FAM185A: variants seen among roughly 807,000 people sequenced by gnomAD.
FAM185A encodes the protein protein FAM185A.
Under a neutral mutation model 45.7 loss-of-function variants are expected in FAM185A, and 21 were observed. The observed-to-expected ratio is 0.46, with a 90% confidence interval of 0.33 to 0.66. The LOEUF is 0.66. Ranked by LOEUF, FAM185A falls within the 30% of genes least tolerant of loss-of-function variation. FAM185A has a pLI of 0.03. For missense variants in FAM185A, 305 were observed against 485.4 expected (o/e 0.63, Z 3.49); for synonymous variants, 117 against 194.0 (o/e 0.60, Z 3.30).
At chr7:102,797,569 T>G (rs2129443508) in intron 7 of FAM185A, among the ~76,000 whole-genome samples, 1 of 152,140 alleles carries the variant, frequency 6.6e-6, no homozygotes, top group East Asian at 1.9e-4. Flanking sequence ...AATGTATGTG[T>G]TAAAAATAAT....
At chr7:102,835,937 A>G in the FAM185A span, among the ~76,000 whole-genome samples, 4 of 152,314 alleles carry the variant, frequency 2.6e-5, no homozygotes, top group South Asian at 8.3e-4. Context: ...TGTTAGAGAC[A>G]TTAACATTGT....
intron 6 of FAM185A, among the ~76,000 whole-genome samples, chr7:102,786,332 T>C (rs1795794405): frequency 1.3e-5 from 2 of 152,366 alleles, no homozygotes; most frequent in South Asian, 4.1e-4. Context: ...CATTACTGGG[T>C]ATATACCCAA....
intron 7 of FAM185A, among the ~76,000 whole-genome samples, chr7:102,806,299 C>T (rs937299824): frequency 3.3e-5 from 5 of 152,170 alleles, no homozygotes; most frequent in Non-Finnish European, 7.3e-5. Flanking sequence ...ATTCTCCTAC[C>T]TCAGCCTCCC....
At chr7:102,816,850 C>T in the FAM185A span, among the ~76,000 whole-genome samples, 1 of 152,194 alleles carries the variant, frequency 6.6e-6, no homozygotes, top group Admixed American at 6.5e-5. Flanking sequence ...TAAGTGAGAA[C>T]ATGCAGTATT....
At chr7:102,775,314 T>C (rs1338661889) in intron 5 of FAM185A, among the ~76,000 whole-genome samples, 1 of 152,220 alleles carries the variant, frequency 6.6e-6, no homozygotes, top group Non-Finnish European at 1.5e-5. Flanking sequence ...CTCCATTATG[T>C]AAACTCCAAA....
chr7:102,800,001 A>G (rs545132044), intron 7 of FAM185A, among the ~76,000 whole-genome samples: 29 of 152,266 alleles, frequency 1.9e-4, no homozygotes, highest in Middle Eastern at 3.4e-3. Flanking sequence ...GATTGCTCCT[A>G]CAGGACCCAA....
intron 7 of FAM185A, among the ~76,000 whole-genome samples, chr7:102,801,816 T>G (rs1229651128): frequency 6.6e-6 from 1 of 151,622 alleles, no homozygotes; most frequent in Non-Finnish European, 1.5e-5. Context: ...TCCCAGCTAC[T>G]CGGGAGGCTG....
chr7:102,788,862 T>C (rs1562869987), intron 7 of FAM185A, among the ~76,000 whole-genome samples: 1 of 152,156 alleles, frequency 6.6e-6, no homozygotes. Context: ...AACACAATGG[T>C]ATTTGTATAT....
chr7:102,847,334 G>C, the FAM185A span, among the ~76,000 whole-genome samples: 1 of 152,062 alleles, frequency 6.6e-6, no homozygotes, highest in Non-Finnish European at 1.5e-5. Context: ...CCATGTAAGA[G>C]GCAGAATTGG....
At chr7:102,831,778 C>A in the FAM185A span, among the ~76,000 whole-genome samples, 661 of 152,200 alleles carry the variant, frequency 4.3e-3, 6 homozygotes, top group African/African-American at 0.015. Context: ...TTTCAAGCTT[C>A]CAAATTTTTG....
intron 7 of FAM185A, among the ~76,000 whole-genome samples, chr7:102,788,039 A>C (rs1000526735): frequency 1.3e-5 from 2 of 152,096 alleles, no homozygotes; most frequent in Non-Finnish European, 2.9e-5. Context: ...ATCTTGGCTC[A>C]CTGCAACCTC....
At chr7:102,841,224 A>G in the FAM185A span, among the ~76,000 whole-genome samples, 2 of 152,022 alleles carry the variant, frequency 1.3e-5, no homozygotes, top group Admixed American at 6.6e-5. Flanking sequence ...CTTTTTTTAA[A>G]TTTTTGCCTT....
At chr7:102,846,291 A>G in the FAM185A span, among the ~76,000 whole-genome samples, 1 of 152,190 alleles carries the variant, frequency 6.6e-6, no homozygotes, top group Non-Finnish European at 1.5e-5. Flanking sequence ...TTTGTGTTCA[A>G]TCACTGAGCA....
chr7:102,758,788 CTA>C (rs768508754), intron 3 of FAM185A, among the ~76,000 whole-genome samples: 5 of 151,274 alleles, frequency 3.3e-5, no homozygotes, highest in Non-Finnish European at 5.9e-5. Context: ...ACAAGATAGA[CTA>C]TAACAGTAAT....
intron 7 of FAM185A, among the ~76,000 whole-genome samples, chr7:102,806,237 TGCAATG>T (rs1395201502): frequency 6.6e-6 from 1 of 152,156 alleles, no homozygotes; most frequent in Non-Finnish European, 1.5e-5. Flanking sequence ...TAGGCTGGAG[TGCAATG>T]GCATGATCTC....
At chr7:102,783,156 C>T (rs1377605164) in intron 6 of FAM185A, among the ~76,000 whole-genome samples, 1 of 151,036 alleles carries the variant, frequency 6.6e-6, no homozygotes, top group Non-Finnish European at 1.5e-5. Context: ...AAAGCAAGTC[C>T]TTAGAGACCT....
At chr7:102,845,006 C>T in the FAM185A span, among the ~76,000 whole-genome samples, 1 of 152,180 alleles carries the variant, frequency 6.6e-6, no homozygotes, top group Non-Finnish European at 1.5e-5. Flanking sequence ...TCTGTCCCCA[C>T]AGAGTTGGAG....
intron 7 of FAM185A, 24 bp downstream of exon 7, chr7:102,787,493 G>C: frequency 7.0e-7 from 1 of 1,420,396 alleles, no homozygotes; most frequent in Non-Finnish European, 9.3e-7. Context: ...ATTTTGCTCT[G>C]TCAGATGAAT....
rs1427913112 is a variant in FAM185A, at chr7:102,757,863, T to C, written c.571T>C (p.Leu191=). 6.5e-7 allele frequency: 1 copy of C among 1,543,998 alleles called. No homozygotes were observed. The highest frequency in any genetic ancestry group is 8.7e-7 in the Non-Finnish European group (1 of 1,143,482). Reference sequence around the variant, plus strand: ...TAAATTTGTCTTTCAGGGTCAAAAATTGCATGTTCAAACAAAAGGAGGCAA... The same window carrying C: ...TAAATTTGTCTTTCAGGGTCAAAAACTGCATGTTCAAACAAAAGGAGGCAA... ...SILQSVKGQK[L]HVQTKGGKVI... The change falls in exon 3 of 8, where the codon TTG becomes CTG. Residue 191 remains leucine, a synonymous_variant. Coordinates refer to ENST00000413034, the MANE Select transcript of FAM185A (RefSeq NM_001145268.2).
Sources: gnomAD v4.1 joint callset for allele counts (sites outside exome capture counted in the v4.1 genomes callset) on GRCh38, gnomAD v4.1.1 for gene constraint, MANE v1.5 for transcripts, NCBI Gene and HGNC (gene_info 2026-07-23, HGNC 2026-07-21) for gene names.